The following QTGAL variants were observed in gnomAD, a reference collection of about 807,000 sequenced individuals.
The protein encoded by QTGAL is queuosine-tRNA galactosyltransferase.
the QTGAL span, among the ~76,000 whole-genome samples, chr17:83,018,906 C>T: frequency 6.6e-6 from 1 of 152,326 alleles, no homozygotes; most frequent in East Asian, 1.9e-4. Context: ...CCAGCCAGGG[C>T]TCACGGGGCC....
chr17:82,958,134 C>T, the QTGAL span, among the ~76,000 whole-genome samples: 1 of 152,180 alleles, frequency 6.6e-6, no homozygotes, highest in Non-Finnish European at 1.5e-5. Flanking sequence ...CTGTGTGTGC[C>T]TCTCCCTCAA....
At chr17:83,042,170 C>A in the QTGAL span, among the ~76,000 whole-genome samples, 1 of 152,160 alleles carries the variant, frequency 6.6e-6, no homozygotes, top group African/African-American at 2.4e-5. Context: ...AATTCGAGAC[C>A]AGCCTGGGCA....
At chr17:82,953,455 C>T in the QTGAL span, among the ~76,000 whole-genome samples, 1 of 152,190 alleles carries the variant, frequency 6.6e-6, no homozygotes, top group Non-Finnish European at 1.5e-5. Flanking sequence ...CCTCCCAAGA[C>T]TAAACCAGGA....
At chr17:83,008,875 T>A in the QTGAL span, among the ~76,000 whole-genome samples, 3 of 152,036 alleles carry the variant, frequency 2.0e-5, no homozygotes, top group African/African-American at 7.2e-5. Flanking sequence ...CGAACGAGTG[T>A]GCGGGCTCGA....
the QTGAL span, among the ~76,000 whole-genome samples, chr17:82,955,620 C>T: frequency 6.6e-6 from 1 of 152,300 alleles, no homozygotes; most frequent in Non-Finnish European, 1.5e-5. Flanking sequence ...GCCAGAAATG[C>T]CATTTGACCC....
At chr17:83,027,338 C>G in the QTGAL span, among the ~76,000 whole-genome samples, 77 of 152,290 alleles carry the variant, frequency 5.1e-4, no homozygotes, top group Admixed American at 1.3e-3. Context: ...AAAAACTAAC[C>G]TTGATATTTA....
chr17:83,047,961 C>A, the QTGAL span, among the ~76,000 whole-genome samples: 2 of 151,956 alleles, frequency 1.3e-5, no homozygotes, highest in East Asian at 3.9e-4. Flanking sequence ...CTTTCTTTTT[C>A]TCTTTCTTTC....
At chr17:83,027,699 CAAAAAA>C in the QTGAL span, among the ~76,000 whole-genome samples, 21 of 31,514 alleles carry the variant, frequency 6.7e-4, no homozygotes, top group African/African-American at 1.7e-3. Flanking sequence ...GAGACGCTCT[CAAAAAA>C]AAAAAAAAAA....
At chr17:83,051,406 CG>C in the QTGAL span, among the ~76,000 whole-genome samples, 2 of 152,148 alleles carry the variant, frequency 1.3e-5, no homozygotes, top group East Asian at 3.9e-4. Flanking sequence ...TGAGGGCGAA[CG>C]GGGAACTGCC....
At chr17:82,995,101 T>C in the QTGAL span, among the ~76,000 whole-genome samples, 1 of 152,120 alleles carries the variant, frequency 6.6e-6, no homozygotes, top group Non-Finnish European at 1.5e-5. Flanking sequence ...GAAGAAAAAC[T>C]GAAAGCCTTT....
chr17:82,982,148 TGGGCCGAGC>T, the QTGAL span, among the ~76,000 whole-genome samples: 1 of 137,388 alleles, frequency 7.3e-6, no homozygotes, highest in South Asian at 2.3e-4. Context: ...TCTGTGGTGA[TGGGCCGAGC>T]GGGTGGAGGA....
chr17:83,021,497 A>G, the QTGAL span, among the ~76,000 whole-genome samples: 2 of 152,244 alleles, frequency 1.3e-5, no homozygotes, highest in African/African-American at 2.4e-5. Flanking sequence ...AAAAACTACA[A>G]AATATTCCAG....
chr17:82,953,995 A>G, the QTGAL span, among the ~76,000 whole-genome samples: 1 of 152,260 alleles, frequency 6.6e-6, no homozygotes, highest in Admixed American at 6.5e-5. Flanking sequence ...GATGGAACGT[A>G]TCTCAAAATA....
At chr17:83,000,371 G>A in the QTGAL span, among the ~76,000 whole-genome samples, 3 of 152,324 alleles carry the variant, frequency 2.0e-5, no homozygotes, top group South Asian at 4.1e-4. Flanking sequence ...CTGAGCTCGC[G>A]GCTGTGCCGG....
the QTGAL span, among the ~76,000 whole-genome samples, chr17:83,016,734 GGAA>G: frequency 3.4e-5 from 5 of 148,600 alleles, no homozygotes; most frequent in African/African-American, 7.5e-5. Flanking sequence ...AAGGGAGGAG[GGAA>G]GAAGGAGGAT....
chr17:82,945,597 A>G, the QTGAL span: 1 of 152,374 alleles, frequency 6.6e-6, no homozygotes, highest in African/African-American at 2.4e-5. Context: ...AGTCATTTAG[A>G]TAAAAATATG....
chr17:82,957,332 A>G, the QTGAL span: 1 of 1,613,720 alleles, frequency 6.2e-7, no homozygotes, highest in South Asian at 1.1e-5. Flanking sequence ...CAGGGCAGGC[A>G]GTGTTGGAGG....
chr17:83,008,196 A>G, the QTGAL span, among the ~76,000 whole-genome samples: 4 of 151,930 alleles, frequency 2.6e-5, no homozygotes, highest in Non-Finnish European at 5.9e-5. Context: ...CAGTGAGCAG[A>G]TGTGAATGAG....
At chr17:83,033,028 G>A in the QTGAL span, among the ~76,000 whole-genome samples, 4 of 152,386 alleles carry the variant, frequency 2.6e-5, no homozygotes, top group East Asian at 7.7e-4. Context: ...CTCTGGGCCA[G>A]AGCGGCCTGG....
Sources: gnomAD v4.1 joint callset for allele counts (sites outside exome capture counted in the v4.1 genomes callset) on GRCh38, gnomAD v4.1.1 for gene constraint, MANE v1.5 for transcripts, NCBI Gene and HGNC (gene_info 2026-07-23, HGNC 2026-07-21) for gene names.